The following PRKG1 variants were observed in gnomAD, a reference collection of about 807,000 sequenced individuals.
PRKG1 encodes the protein protein kinase cGMP-dependent 1.
A neutral mutation model predicts 88.1 loss-of-function variants in PRKG1; 35 were observed. The ratio of observed to expected loss-of-function variants is 0.40; its 90% CI spans 0.30 to 0.53. The LOEUF is 0.53. PRKG1 is among the 20% of genes least tolerant of loss of function. The pLI is 0.59. For synonymous variants in PRKG1, 303 were observed against 292.5 expected (o/e 1.04, Z -0.37); for missense variants, 540 against 839.8 (o/e 0.64, Z 4.41).
At chr10:51,313,492 A>G (rs1438280194) in intron 2 of PRKG1, among the ~76,000 whole-genome samples, 1 of 152,202 alleles carries the variant, frequency 6.6e-6, no homozygotes, top group African/African-American at 2.4e-5. Flanking sequence ...CTCATTTCTC[A>G]AAGGCATGAA....
At chr10:52,271,240 G>T in intron 10 of PRKG1, 110 bp from the exon 11 acceptor site, 1 of 1,141,064 alleles carries the variant, frequency 8.8e-7, no homozygotes, top group East Asian at 2.5e-5. Flanking sequence ...TTTGACTTGG[G>T]AGGTGGCTGA....
chr10:50,995,514 G>A (rs1332323413), intron 1 of PRKG1, among the ~76,000 whole-genome samples: 1 of 152,186 alleles, frequency 6.6e-6, no homozygotes, highest in African/African-American at 2.4e-5. Flanking sequence ...TGTTTTGGAT[G>A]ATGGTGATGA....
intron 8 of PRKG1, among the ~76,000 whole-genome samples, chr10:52,142,568 T>C (rs1332205890): frequency 1.3e-5 from 2 of 152,188 alleles, no homozygotes; most frequent in African/African-American, 4.8e-5. Context: ...TCTCTCAATA[T>C]ATAGATCAAT....
chr10:51,658,043 T>G (rs1840204733), intron 3 of PRKG1, among the ~76,000 whole-genome samples: 1 of 152,100 alleles, frequency 6.6e-6, no homozygotes, highest in African/African-American at 2.4e-5. Context: ...CAACAGCTGG[T>G]TATAAGACCA....
At chr10:52,015,583 T>C (rs1176458924) in intron 5 of PRKG1, among the ~76,000 whole-genome samples, 5 of 152,266 alleles carry the variant, frequency 3.3e-5, no homozygotes, top group African/African-American at 1.2e-4. Flanking sequence ...TATGTAAATT[T>C]CTGCAGCTGG....
intron 2 of PRKG1, among the ~76,000 whole-genome samples, chr10:51,410,556 C>T (rs1262424460): frequency 6.6e-6 from 1 of 152,040 alleles, no homozygotes; most frequent in Non-Finnish European, 1.5e-5. Flanking sequence ...GATCTGCCTT[C>T]CCAGACCACT....
At chr10:51,837,931 T>C (rs1033317910) in intron 4 of PRKG1, among the ~76,000 whole-genome samples, 1 of 152,166 alleles carries the variant, frequency 6.6e-6, no homozygotes, top group Non-Finnish European at 1.5e-5. Context: ...GCTATCATAG[T>C]AGAGAGAAAG....
chr10:51,755,720 C>T (rs1254936974), intron 3 of PRKG1, among the ~76,000 whole-genome samples: 1 of 152,138 alleles, frequency 6.6e-6, no homozygotes, highest in East Asian at 1.9e-4. Context: ...ACTGATGGAT[C>T]CTGAAATAAC....
Position 51,860,348 on chromosome 10 carries a change from A to G in PRKG1, c.699-47159A>G, listed in dbSNP as rs138033668. Reference sequence around the variant, plus strand: ...TAGGATCCAGCCTGAAAGAACAGCTATTTATCTGGAATATCATCAGAGGCT... The same window carrying G: ...TAGGATCCAGCCTGAAAGAACAGCTGTTTATCTGGAATATCATCAGAGGCT... On this transcript the variant is annotated intron_variant, in intron 4 of 17. Coordinates refer to ENST00000373980, the MANE Select transcript of PRKG1 (RefSeq NM_006258.4). Among the ~76,000 whole-genome samples the G allele has an allele frequency of 3.9e-3, 597 of 152,332 alleles. 12 individuals carry two copies. The highest frequency in any genetic ancestry group is 0.03 in the East Asian group (155 of 5,184).
At chr10:51,020,376 T>C (rs1320547548) in intron 1 of PRKG1, among the ~76,000 whole-genome samples, 1 of 152,148 alleles carries the variant, frequency 6.6e-6, no homozygotes, top group Admixed American at 6.6e-5. Context: ...ACGTGTACTA[T>C]AAACATGTCA....
At chr10:51,768,738 T>A (rs967484355) in intron 3 of PRKG1, among the ~76,000 whole-genome samples, 1 of 152,282 alleles carries the variant, frequency 6.6e-6, no homozygotes, top group East Asian at 1.9e-4. Flanking sequence ...AAAGATGGTA[T>A]GAGATTTAAC....
At chr10:51,357,076 A>C (rs1336525654) in intron 2 of PRKG1, among the ~76,000 whole-genome samples, 1 of 152,000 alleles carries the variant, frequency 6.6e-6, no homozygotes, top group Non-Finnish European at 1.5e-5. Flanking sequence ...GGCAGGAGCT[A>C]GATAAATATT....
At chr10:51,104,796 C>A (rs1480978351) in intron 1 of PRKG1, among the ~76,000 whole-genome samples, 1 of 151,824 alleles carries the variant, frequency 6.6e-6, no homozygotes, top group East Asian at 1.9e-4. Flanking sequence ...ATGACACAAT[C>A]TCGGCTTACT....
intron 1 of PRKG1, among the ~76,000 whole-genome samples, chr10:51,112,407 A>T (rs763641903): frequency 7.2e-5 from 11 of 152,136 alleles, no homozygotes; most frequent in Non-Finnish European, 1.3e-4. Flanking sequence ...AAGGAGACCA[A>T]AAAAACCCCA....
chr10:51,945,555 G>A (rs907579385), intron 5 of PRKG1, among the ~76,000 whole-genome samples: 2 of 151,896 alleles, frequency 1.3e-5, no homozygotes, highest in African/African-American at 4.8e-5. Context: ...TAGCCTCGAT[G>A]GTCTTTACAA....
At chr10:52,001,680 A>G (rs1487785807) in intron 5 of PRKG1, among the ~76,000 whole-genome samples, 1 of 152,028 alleles carries the variant, frequency 6.6e-6, no homozygotes, top group East Asian at 1.9e-4. Context: ...ATACTTAAAA[A>G]TGTATTGAAA....
chr10:52,232,079 G>T (rs1310694189), intron 9 of PRKG1, among the ~76,000 whole-genome samples: 1 of 152,130 alleles, frequency 6.6e-6, no homozygotes, highest in African/African-American at 2.4e-5. Context: ...GAGGCTGGCG[G>T]ATCACCTGAG....
At chr10:51,067,274 A>ATATATC (rs1843764390) in intron 1 of PRKG1, among the ~76,000 whole-genome samples, 4 of 39,776 alleles carry the variant, frequency 1.0e-4, no homozygotes, top group Admixed American at 5.4e-4. Context: ...ATGTGTGTAT[A>ATATATC]TATATATATA....
At chr10:51,847,133 A>G (rs1347727982) in intron 4 of PRKG1, among the ~76,000 whole-genome samples, 1 of 152,178 alleles carries the variant, frequency 6.6e-6, no homozygotes. Flanking sequence ...TTTAATATTT[A>G]AAATGAAGGC....
Sources: allele counts gnomAD v4.1 joint callset (sites outside exome capture counted in the v4.1 genomes callset), GRCh38; gene constraint gnomAD v4.1.1; transcripts MANE v1.5; gene names NCBI Gene and HGNC (gene_info 2026-07-23, HGNC 2026-07-21).